CDS2: variants seen among roughly 807,000 people sequenced by gnomAD.
The protein encoded by CDS2 is CDP-diacylglycerol synthase 2, also known as phosphatidate cytidylyltransferase 2.
Under a neutral mutation model 59.0 loss-of-function variants are expected in CDS2, and 47 were observed. The observed-to-expected ratio is 0.80, with a 90% CI of 0.63 to 1.02. CDS2 has a LOEUF of 1.02. Among genes scored for constraint, CDS2 ranks in the 50% least tolerant of loss-of-function variants. The pLI is 0.00. For synonymous variants in CDS2, 207 were observed against 206.4 expected (o/e 1.00, Z -0.02); for missense variants, 356 against 558.9 (o/e 0.64, Z 3.66).
rs768671986 is a variant in CDS2, at chr20:5,184,108, C to T, written c.672-750C>T. On this transcript the variant is annotated intron_variant, in intron 7 of 12. Coordinates refer to ENST00000460006, the MANE Select transcript of CDS2 (RefSeq NM_003818.4). This position sits in a 1 kb window ranked among gnomAD's most constrained non-coding sequence, Gnocchi z 4.3. ...CCTGGGGGTGGAGGTTGCAGTGAGCCGAGATTGTGTCACTGCACTCCAGCC... is the reference window on the plus strand; with the variant it reads ...CCTGGGGGTGGAGGTTGCAGTGAGCTGAGATTGTGTCACTGCACTCCAGCC... Among the ~76,000 whole-genome samples the T allele has an allele frequency of 2.5e-4, 38 of 151,984 alleles. No individual in the cohort carries two copies. Among genetic ancestry groups the T allele is most frequent in the Non-Finnish European group, 3.5e-4 (24 of 67,980 alleles).
rs577055919 is a variant in CDS2 at position 5,133,011 on chromosome 20, A to C, written c.57+5862A>C. Among the ~76,000 whole-genome samples the C allele has an allele frequency of 8.0e-4, 77 of 96,456 alleles. 1 individual carries two copies. The East Asian group carries it at 0.015, about 19-fold the overall frequency. The allele number at this position is 96,456 out of a possible 152,430, so 63.3% of individuals were successfully genotyped here. ...GACGGCAAAACCCCTTCTCTACTAC[A>C]AAAAAAAAAAAAAATTAGCTGGGTG... is the stretch of plus-strand genomic sequence containing the variant. On this transcript the variant is annotated intron_variant, in intron 1 of 12. Coordinates refer to ENST00000460006, the MANE Select transcript of CDS2 (RefSeq NM_003818.4).
intron 1 of CDS2, among the ~76,000 whole-genome samples, chr20:5,136,767 T>C (rs1478259129): frequency 1.3e-5 from 2 of 152,176 alleles, no homozygotes; most frequent in South Asian, 2.1e-4. Flanking sequence ...TAAGATCCTT[T>C]GTAGTCTTCT....
rs1025428850 is a variant in CDS2, at chr20:5,192,016, A to G, written c.*1782A>G. 16 of 152,124 alleles carry G rather than the reference A, an allele frequency of 1.1e-4. No individual in the cohort carries two copies. The highest frequency in any genetic ancestry group is 8.5e-4 in the Admixed American group (13 of 15,264). The allele number at this position is 152,124 out of a possible 1,614,324, so 9.4% of individuals were successfully genotyped here. The stretch of plus-strand genomic sequence containing the variant: ...AAGTGAGGTCCTGGGCACCCCCCAA[A>G]CAGGAAGTGTTTTCAGGCCCTTACA... On this transcript the variant is annotated 3_prime_UTR_variant, in exon 13 of 13. Transcript: ENST00000460006.
Position 5,196,431 on chromosome 20 carries a change from C to G in CDS2, c.*6197C>G, listed in dbSNP as rs1211239884. 1 of 152,192 alleles carries G rather than the reference C, an allele frequency of 6.6e-6. No homozygotes were observed. Among genetic ancestry groups the G allele is most frequent in the Non-Finnish European group, 1.5e-5 (1 of 68,074 alleles). 9.4% of individuals were successfully genotyped at this position (152,192 alleles called of 1,614,324 possible). ...GCAGAGAATGCCTTTGCAGTGGTCTCCCGGGCATTGGGCAGGGCCTAGCCT... is the reference window on the plus strand; with the variant it reads ...GCAGAGAATGCCTTTGCAGTGGTCTGCCGGGCATTGGGCAGGGCCTAGCCT... On this transcript the variant is annotated 3_prime_UTR_variant, in exon 13 of 13. Coordinates refer to ENST00000460006, the MANE Select transcript of CDS2 (RefSeq NM_003818.4).
intron 1 of CDS2, among the ~76,000 whole-genome samples, chr20:5,154,781 G>T (rs2090820227): frequency 1.3e-5 from 2 of 152,166 alleles, no homozygotes; most frequent in Admixed American, 1.3e-4. Context: ...CCGAGTAGCT[G>T]GGACTACGGG....
intron 3 of CDS2, chr20:5,175,644 C>T (rs192487298): frequency 7.9e-4 from 148 of 186,168 alleles, no homozygotes; most frequent in African/African-American, 3.1e-3. Context: ...AAATTAGCCA[C>T]GCGTGGTGGC....
intron 1 of CDS2, among the ~76,000 whole-genome samples, chr20:5,143,994 G>A (rs982305325): frequency 6.6e-6 from 1 of 151,882 alleles, no homozygotes; most frequent in African/African-American, 2.4e-5. Context: ...TGAACTGCTG[G>A]CCTCAAGTGA....
intron 1 of CDS2, among the ~76,000 whole-genome samples, chr20:5,142,692 T>C (rs755822415): frequency 1.0e-3 from 155 of 148,686 alleles, no homozygotes; most frequent in Non-Finnish European, 1.5e-3. Flanking sequence ...TAAGAACTTA[T>C]GTTTATTGAA....
Position 5,173,623 on chromosome 20 carries a change from A to G in CDS2, c.158A>G (p.Glu53Gly). 1 of 1,614,192 alleles carries G rather than the reference A, an allele frequency of 6.2e-7. No individual in the cohort carries two copies. Among genetic ancestry groups the G allele is most frequent in the Admixed American group, 1.7e-5 (1 of 60,022 alleles). Residue 53 changes from glutamate (E) to glycine (G), a missense_variant, in exon 2 of 13, where the codon GAG becomes GGG. Coordinates refer to ENST00000460006, the MANE Select transcript of CDS2 (RefSeq NM_003818.4). ...CCAGTCTCTGCAGATGATACCCCGGAGGTCCTCAATAGGGCCCTTTCCAAC... is the reference window on the plus strand; with the variant it reads ...CCAGTCTCTGCAGATGATACCCCGGGGGTCCTCAATAGGGCCCTTTCCAAC... Reference protein sequence around the residue: ...PLPVSADDTPEVLNRALSNLS... With the variant: ...PLPVSADDTPGVLNRALSNLS...
At chr20:5,181,719 C>T (rs1172125077) in intron 5 of CDS2, among the ~76,000 whole-genome samples, 1 of 152,174 alleles carries the variant, frequency 6.6e-6, no homozygotes, top group Non-Finnish European at 1.5e-5. Context: ...GGTATAGCCT[C>T]CTACACACCT....
At chr20:5,146,941 C>T (rs1331314194) in intron 1 of CDS2, among the ~76,000 whole-genome samples, 2 of 152,168 alleles carry the variant, frequency 1.3e-5, no homozygotes, top group Non-Finnish European at 2.9e-5. Context: ...AGAATTCCAG[C>T]CATCACTTCA....
intron 1 of CDS2, among the ~76,000 whole-genome samples, chr20:5,137,557 A>G (rs2090658295): frequency 1.5e-5 from 2 of 136,032 alleles, no homozygotes; most frequent in South Asian, 4.9e-4. Context: ...TACCTATTTA[A>G]GTCTTATTTT....
chr20:5,182,146 C>G (rs923157025), intron 5 of CDS2, among the ~76,000 whole-genome samples: 1 of 152,210 alleles, frequency 6.6e-6, no homozygotes, highest in Non-Finnish European at 1.5e-5. Context: ...GAACCATGTT[C>G]TAAGTTTAGT....
At chr20:5,189,944 C>A in intron 12 of CDS2, 106 bp downstream of exon 12, 1 of 1,313,254 alleles carries the variant, frequency 7.6e-7, no homozygotes, top group South Asian at 1.3e-5. Flanking sequence ...CCAAATAATG[C>A]AGTTTTCAGT....
intron 1 of CDS2, among the ~76,000 whole-genome samples, chr20:5,130,972 T>TC (rs1162682006): frequency 1.3e-5 from 2 of 150,814 alleles, no homozygotes; most frequent in Non-Finnish European, 2.9e-5. Context: ...GCGCCTGTAG[T>TC]CCCAGCTACT....
At chr20:5,183,985 C>T (rs766242729) in intron 7 of CDS2, among the ~76,000 whole-genome samples, 2 of 152,080 alleles carry the variant, frequency 1.3e-5, no homozygotes, top group South Asian at 2.1e-4. Context: ...GTGAAATCCC[C>T]GTCTCTACTA....
At chr20:5,135,293 T>C (rs1283940744) in intron 1 of CDS2, among the ~76,000 whole-genome samples, 1 of 152,198 alleles carries the variant, frequency 6.6e-6, no homozygotes, top group Non-Finnish European at 1.5e-5. Flanking sequence ...TGAGTGTTAC[T>C]GTTTCTGGTT....
chr20:5,152,908 G>A (rs2122997570), intron 1 of CDS2, among the ~76,000 whole-genome samples: 1 of 152,192 alleles, frequency 6.6e-6, no homozygotes, highest in East Asian at 1.9e-4. Flanking sequence ...AACTGGAAAA[G>A]CATGCCATTT....
rs150660581 is a variant in CDS2, at chr20:5,153,248, T to C, written c.58-20275T>C. Among the ~76,000 whole-genome samples, 408 of 152,358 alleles carry C rather than the reference T, an allele frequency of 2.7e-3. 3 individuals are homozygous for C. Among genetic ancestry groups the C allele is most frequent in the African/African-American group, 9.3e-3 (387 of 41,582 alleles). The stretch of plus-strand genomic sequence containing the variant: ...TTCTTTTCTGTTTGAGTCTATCTTA[T>C]ACTTTTTATGTACACTTTTTATTAA... On this transcript the variant is annotated intron_variant, in intron 1 of 12. Coordinates refer to ENST00000460006, the MANE Select transcript of CDS2 (RefSeq NM_003818.4).
Sources: gnomAD v4.1 joint callset for allele counts (sites outside exome capture counted in the v4.1 genomes callset) on GRCh38, gnomAD v4.1.1 for gene constraint, Gnocchi (gnomAD v3.1) non-coding constraint, MANE v1.5 for transcripts, NCBI Gene and HGNC (gene_info 2026-07-23, HGNC 2026-07-21) for gene names.